ALDH4A1: variants seen among roughly 807,000 people sequenced by gnomAD.
ALDH4A1 encodes the protein delta-1-pyrroline-5-carboxylate dehydrogenase, mitochondrial.
Under a neutral mutation model 70.5 loss-of-function variants are expected in ALDH4A1, and 46 were observed. The observed-to-expected ratio is 0.65, with a 90% CI of 0.51 to 0.83. ALDH4A1 has a LOEUF of 0.83. Ranked by LOEUF, ALDH4A1 falls within the 40% of genes least tolerant of loss-of-function variation. ALDH4A1 has a pLI of 0.00. For synonymous variants in ALDH4A1, 323 were observed against 324.3 expected (o/e 1.00, Z 0.04); for missense variants, 749 against 766.5 (o/e 0.98, Z 0.27).
At chr1:18,885,043 T>G (rs2100580631) in intron 5 of ALDH4A1, among the ~76,000 whole-genome samples, 2 of 151,910 alleles carry the variant, frequency 1.3e-5, no homozygotes, top group Middle Eastern at 6.8e-3. Context: ...GGTATGGGGC[T>G]CAGGTCTTGG....
chr1:18,901,040 A>T, intron 1 of ALDH4A1: 1 of 341,450 alleles, frequency 2.9e-6, no homozygotes. Context: ...CCCCATGTAA[A>T]TTCCCTGGGT....
At chr1:18,877,061 A>C (rs572644364) in intron 11 of ALDH4A1, 147 bp downstream of exon 11, 1 of 985,300 alleles carries the variant, frequency 1.0e-6, no homozygotes, top group South Asian at 1.5e-5. Flanking sequence ...CTGAAGCTGG[A>C]GGTGCGTGTG....
At chr1:18,881,618 C>T in intron 8 of ALDH4A1, 82 bp downstream of exon 8, 2 of 1,510,336 alleles carry the variant, frequency 1.3e-6, no homozygotes, top group Non-Finnish European at 1.8e-6. Context: ...CCTGGGTTCA[C>T]AGCCCCATCC....
chr1:18,881,729 G>A lies in ALDH4A1; in HGVS notation c.837C>T (p.Leu279=). 6.2e-7 allele frequency: 1 copy of A among 1,614,102 alleles called. No individual in the cohort carries two copies. The highest frequency in any genetic ancestry group is 1.1e-5 in the South Asian group (1 of 91,088). ...FGDTVTSSEH[L]CGINFTGSVP... Reference sequence around the variant, plus strand: ...CACTGCCTGTGAAGTTGATGCCACAGAGGTGCTCTGAGCTGGTGACAGTGT... The same window carrying A: ...CACTGCCTGTGAAGTTGATGCCACAAAGGTGCTCTGAGCTGGTGACAGTGT... Residue 279 remains leucine, a synonymous_variant, in exon 8 of 15, where the codon CTC becomes CTT. Transcript: ENST00000375341.
intron 1 of ALDH4A1, among the ~76,000 whole-genome samples, chr1:18,902,003 G>A (rs1456780873): frequency 6.6e-6 from 1 of 151,724 alleles, no homozygotes; most frequent in Non-Finnish European, 1.5e-5. Context: ...CCTGGTAGAA[G>A]GAGAGGACTC....
intron 1 of ALDH4A1, among the ~76,000 whole-genome samples, chr1:18,895,537 G>A (rs1935589350): frequency 6.6e-6 from 1 of 152,088 alleles, no homozygotes; most frequent in African/African-American, 2.4e-5. Flanking sequence ...GGAGATGTCA[G>A]GGCTACAAGT....
intron 3 of ALDH4A1, among the ~76,000 whole-genome samples, chr1:18,887,768 T>G (rs1935275518): frequency 6.6e-6 from 1 of 152,082 alleles, no homozygotes; most frequent in Non-Finnish European, 1.5e-5. Flanking sequence ...TACCGATGAG[T>G]ACCTCAGCCT....
intron 1 of ALDH4A1, among the ~76,000 whole-genome samples, chr1:18,899,041 G>A (rs977013248): frequency 2.6e-5 from 4 of 152,206 alleles, no homozygotes; most frequent in East Asian, 1.9e-4. Flanking sequence ...TTTTGCAGAC[G>A]AGGATACTGA....
chr1:18,894,185 G>T (rs934231430), intron 1 of ALDH4A1, among the ~76,000 whole-genome samples: 12 of 152,266 alleles, frequency 7.9e-5, no homozygotes, highest in South Asian at 4.1e-4. Context: ...CAGCCTCGGG[G>T]ACTGGCCCAG....
intron 1 of ALDH4A1, among the ~76,000 whole-genome samples, chr1:18,897,603 C>T (rs553243616): frequency 1.3e-5 from 2 of 152,222 alleles, no homozygotes; most frequent in South Asian, 4.1e-4. Context: ...ATGAGGGACA[C>T]TCGACCGTAG....
At chr1:18,894,644 C>T (rs1025657519) in intron 1 of ALDH4A1, among the ~76,000 whole-genome samples, 2 of 152,174 alleles carry the variant, frequency 1.3e-5, no homozygotes, top group African/African-American at 4.8e-5. Flanking sequence ...CCTCCTTCCA[C>T]AGGGCAGAGG....
Position 18,877,628 on chromosome 1 carries a change from G to T in ALDH4A1, c.941-16C>A, listed in dbSNP as rs931544592. The T allele has an allele frequency of 1.0e-5, 7 of 692,768 alleles. No individual in the cohort carries two copies. The highest frequency in any genetic ancestry group is 3.8e-5 in the Admixed American group (2 of 52,818). 42.9% of individuals were successfully genotyped at this position (692,768 alleles called of 1,614,324 possible). ...CCGCCGCACTCTACAGGGGTCGGGG[G>T]TGGGGAAATGACCAGAGGAGCTGGC... On this transcript the variant is annotated splice_polypyrimidine_tract_variant and intron_variant, in intron 9 of 14. Transcript: ENST00000375341.
At chr1:18,882,325 G>A (rs1935010683) in intron 7 of ALDH4A1, among the ~76,000 whole-genome samples, 1 of 152,086 alleles carries the variant, frequency 6.6e-6, no homozygotes, top group Admixed American at 6.6e-5. Context: ...AGATGCATGA[G>A]GACGTCCCCA....
intron 3 of ALDH4A1, among the ~76,000 whole-genome samples, chr1:18,888,791 C>A (rs563377523): frequency 6.6e-6 from 1 of 152,354 alleles, no homozygotes; most frequent in African/African-American, 2.4e-5. Flanking sequence ...CCCAGGCTGT[C>A]CTGGGAACCT....
intron 1 of ALDH4A1, among the ~76,000 whole-genome samples, chr1:18,894,931 C>T (rs1263798724): frequency 1.4e-5 from 2 of 140,770 alleles, no homozygotes; most frequent in Non-Finnish European, 3.0e-5. Context: ...CATCCACTGG[C>T]TGCTCGGGTG....
In ALDH4A1 at chr1:18,871,665, G is replaced by C. The variant is rs1453101748; in HGVS notation, c.*1180C>G. On this transcript the variant is annotated 3_prime_UTR_variant, in exon 15 of 15. Transcript: ENST00000375341. ...TGGCACTTGGGGAATGGCCACACCA[G>C]CTCCGGGTGGGGTCCCATGCAGGCA... is the stretch of plus-strand genomic sequence containing the variant. The C allele has an allele frequency of 2.0e-5, 3 of 152,384 alleles. No homozygotes were observed. Among genetic ancestry groups the C allele is most frequent in the African/African-American group, 7.2e-5 (3 of 41,456 alleles). 9.4% of individuals were successfully genotyped at this position (152,384 alleles called of 1,614,324 possible). A position where few individuals can be genotyped will look rare whatever the true frequency, so the allele number is the denominator to read the frequency against.
chr1:18,877,300 G>T, intron 10 of ALDH4A1, 45 bp from the exon 11 acceptor site: 1 of 1,573,418 alleles, frequency 6.4e-7, no homozygotes, highest in Non-Finnish European at 8.6e-7. Flanking sequence ...ACTGCAGGCC[G>T]AGACCAAGGG....
chr1:18,891,694 T>C (rs1187611003), intron 1 of ALDH4A1, among the ~76,000 whole-genome samples: 1 of 152,092 alleles, frequency 6.6e-6, no homozygotes, highest in African/African-American at 2.4e-5. Flanking sequence ...GCTTTGTGGG[T>C]GGCACAGAGA....
intron 4 of ALDH4A1, 23 bp downstream of exon 4, chr1:18,886,441 A>T (rs764797951): frequency 3.1e-6 from 5 of 1,613,898 alleles, no homozygotes; most frequent in Non-Finnish European, 4.2e-6. Context: ...ACCCCGGGTC[A>T]CCAGGCACAC....
Sources: gnomAD v4.1 joint callset for allele counts (sites outside exome capture counted in the v4.1 genomes callset) on GRCh38, gnomAD v4.1.1 for gene constraint, MANE v1.5 for transcripts, NCBI Gene and HGNC (gene_info 2026-07-23, HGNC 2026-07-21) for gene names.